UMAD1: variants seen among roughly 807,000 people sequenced by gnomAD.
The protein encoded by UMAD1 is UBAP1-MVB12-associated (UMA)-domain containing protein 1.
In UMAD1, 8 loss-of-function variants were observed where a neutral mutation model predicts 6.1. The observed-to-expected ratio is 1.30, with a 90% CI of 0.76 to 2.35. The LOEUF (loss-of-function observed/expected upper bound fraction) is 2.35, where lower values mean the gene tolerates loss of function less well. Ranked by LOEUF, UMAD1 falls within the 30% of genes most tolerant of loss-of-function variation. The probability of loss-of-function intolerance (pLI) is 0.00; values close to 1 mark genes in which losing one functional copy is unlikely to be tolerated. For synonymous variants in UMAD1, 56 were observed against 31.4 expected (o/e 1.78, Z -2.61); for missense variants, 130 against 78.4 (o/e 1.66, Z -2.49).
At chr7:7,643,310 G>A (rs752722449) in intron 1 of UMAD1, among the ~76,000 whole-genome samples, 1 of 152,182 alleles carries the variant, frequency 6.6e-6, no homozygotes, top group Non-Finnish European at 1.5e-5. Flanking sequence ...TCAGATGGGC[G>A]TGCATGTAAC....
intron 2 of UMAD1, among the ~76,000 whole-genome samples, chr7:7,712,526 G>A (rs1283679944): frequency 3.9e-5 from 6 of 152,058 alleles, no homozygotes; most frequent in African/African-American, 7.2e-5. Context: ...GAAACATGTA[G>A]CTGATACTTG....
chr7:7,742,409 T>C (rs753592994), intron 2 of UMAD1: 4 of 584,244 alleles, frequency 6.8e-6, no homozygotes, highest in Middle Eastern at 3.0e-4. Context: ...CTTGGGCTGC[T>C]GGAAGGTGGG....
At chr7:7,677,351 A>G (rs547917731) in intron 2 of UMAD1, among the ~76,000 whole-genome samples, 1 of 152,132 alleles carries the variant, frequency 6.6e-6, no homozygotes, top group African/African-American at 2.4e-5. Context: ...TATTCCTTCT[A>G]TCTAACTGTA....
chr7:7,743,747 T>A (rs1781517545), intron 2 of UMAD1, among the ~76,000 whole-genome samples: 1 of 151,488 alleles, frequency 6.6e-6, no homozygotes. Flanking sequence ...TCTGCACTTT[T>A]AAAAAAATAT....
At position 7,668,656 on chromosome 7, in the gene UMAD1, A is replaced by G. The variant is rs28915071; in HGVS notation, c.-63-4653A>G. On this transcript the variant is annotated intron_variant, in intron 1 of 3. Coordinates refer to ENST00000682710, the MANE Select transcript of UMAD1 (RefSeq NM_001302348.2). ...TGATATAAGCAAGAGTTCATTTCTT[A>G]TGGCATATTTCTGGTCCTAAAAACA... Among the ~76,000 whole-genome samples the G allele has an allele frequency of 5.7e-4, 87 of 152,350 alleles. 2 individuals carry two copies. The East Asian group carries it at 0.016, about 28-fold the overall frequency.
In UMAD1 at chr7:7,724,218, C is replaced by T. The variant is rs539693266; in HGVS notation, c.82+50765C>T. Among the ~76,000 whole-genome samples the T allele has an allele frequency of 7.9e-5, 12 of 152,214 alleles. 1 individual carries two copies. The highest frequency in any genetic ancestry group is 2.0e-4 in the Admixed American group (3 of 15,288). ...TCATCATTTCCCTTTCTCCAATGCA[C>T]GGTTGATCTGAGGTGATGTTGATTC... On this transcript the variant is annotated intron_variant, in intron 2 of 3. Coordinates refer to ENST00000682710, the MANE Select transcript of UMAD1 (RefSeq NM_001302348.2).
At chr7:7,721,262 T>C (rs1416944851) in intron 2 of UMAD1, among the ~76,000 whole-genome samples, 3 of 152,208 alleles carry the variant, frequency 2.0e-5, no homozygotes, top group Non-Finnish European at 4.4e-5. Context: ...TATGGCAGCT[T>C]TAGGAAACTA....
Position 7,785,996 on chromosome 7 carries a change from A to T in UMAD1, c.83-15674A>T, listed in dbSNP as rs191017889. On this transcript the variant is annotated intron_variant, in intron 2 of 3. Transcript: ENST00000682710. ...TTATTTTTTATTTTGAAATAATTTC[A>T]AACTTAAAAGGTCACAAAAACAGTA... 2.0e-5 allele frequency among the ~76,000 whole-genome samples: 3 copies of T among 152,344 alleles called. No homozygotes were observed. In the East Asian group the frequency reaches 5.8e-4, roughly 29 times the overall value.
intron 3 of UMAD1, among the ~76,000 whole-genome samples, chr7:7,845,903 A>C (rs6971205): frequency 0.063 from 9,545 of 152,202 alleles, 782 homozygotes; most frequent in East Asian, 0.21. Context: ...AGTAAGAATA[A>C]GGCCTCCAGG....
At chr7:7,684,072 C>G (rs1017824392) in intron 2 of UMAD1, among the ~76,000 whole-genome samples, 1 of 152,180 alleles carries the variant, frequency 6.6e-6, no homozygotes, top group Admixed American at 6.5e-5. Flanking sequence ...ATACATCCTC[C>G]CATATACTTT....
At chr7:7,646,778 A>G (rs959546550) in intron 1 of UMAD1, among the ~76,000 whole-genome samples, 1 of 151,762 alleles carries the variant, frequency 6.6e-6, no homozygotes, top group Non-Finnish European at 1.5e-5. Flanking sequence ...TCCCCTCGAC[A>G]CTCAGATGCT....
intron 1 of UMAD1, among the ~76,000 whole-genome samples, chr7:7,671,221 A>G (rs1036536625): frequency 6.6e-6 from 1 of 152,222 alleles, no homozygotes; most frequent in Non-Finnish European, 1.5e-5. Flanking sequence ...GTCAATAGCC[A>G]GACCTAAAAT....
At chr7:7,868,521 G>A (rs1340602870) in intron 3 of UMAD1, 4 of 151,616 alleles carry the variant, frequency 2.6e-5, no homozygotes, top group African/African-American at 7.3e-5. Context: ...GGAGAACCAC[G>A]GAGCACAAGC....
At chr7:7,839,733 A>C (rs1783641398) in intron 3 of UMAD1, among the ~76,000 whole-genome samples, 1 of 152,210 alleles carries the variant, frequency 6.6e-6, no homozygotes, top group African/African-American at 2.4e-5. Flanking sequence ...GTTTGGCCTT[A>C]GGGTCAAGTT....
chr7:7,732,393 A>C (rs1262124697), intron 2 of UMAD1, among the ~76,000 whole-genome samples: 1 of 152,170 alleles, frequency 6.6e-6, no homozygotes, highest in Non-Finnish European at 1.5e-5. Context: ...ACCTGGGATA[A>C]ATAATAAAGT....
At chr7:7,666,737 C>T (rs73048092) in intron 1 of UMAD1, among the ~76,000 whole-genome samples, 2 of 152,058 alleles carry the variant, frequency 1.3e-5, no homozygotes, top group African/African-American at 2.4e-5. Context: ...CCTTTATATA[C>T]ATTATTTATC....
chr7:7,779,853 A>G (rs1240622513), intron 2 of UMAD1, among the ~76,000 whole-genome samples: 3 of 152,186 alleles, frequency 2.0e-5, no homozygotes, highest in African/African-American at 7.2e-5. Context: ...CATGTTGCCC[A>G]GGCTGGTCTC....
At chr7:7,742,828 G>A (rs1159918205) in intron 2 of UMAD1, among the ~76,000 whole-genome samples, 2 of 152,132 alleles carry the variant, frequency 1.3e-5, no homozygotes, top group Non-Finnish European at 2.9e-5. Flanking sequence ...CACTGTGATA[G>A]AATATTTACT....
intron 2 of UMAD1, among the ~76,000 whole-genome samples, chr7:7,769,598 G>A (rs2115241321): frequency 6.6e-6 from 1 of 152,210 alleles, no homozygotes; most frequent in Admixed American, 6.5e-5. Context: ...TGCCTACCCA[G>A]GCCAATCAAA....
Sources: allele counts gnomAD v4.1 joint callset (sites outside exome capture counted in the v4.1 genomes callset), GRCh38; gene constraint gnomAD v4.1.1; transcripts MANE v1.5; gene names NCBI Gene and HGNC (gene_info 2026-07-23, HGNC 2026-07-21).